BAZ2B: variants seen among roughly 807,000 people sequenced by gnomAD.
The protein encoded by BAZ2B is bromodomain adjacent to zinc finger domain protein 2B.
Under a neutral mutation model 246.0 loss-of-function variants are expected in BAZ2B, and 91 were observed. That is an observed-to-expected ratio of 0.37 (90% CI 0.31 to 0.44). BAZ2B has a LOEUF of 0.44. Among genes scored for constraint, BAZ2B ranks in the 20% least tolerant of loss-of-function variants. The pLI is 1.00. For missense variants in BAZ2B, 2,332 were observed against 2,533.7 expected, an observed-to-expected ratio of 0.92 and a Z score of 1.71; for synonymous variants, 855 against 860.0, an observed-to-expected ratio of 0.99 and a Z score of 0.10.
At chr2:159,431,200 A>C in intron 9 of BAZ2B, 44 bp from the exon 10 acceptor site, 1 of 1,545,278 alleles carries the variant, frequency 6.5e-7, no homozygotes, top group Non-Finnish European at 8.7e-7. Flanking sequence ...CTAGATAATC[A>C]CCAATAATTT....
the BAZ2B span, among the ~76,000 whole-genome samples, chr2:159,640,171 T>C: frequency 5.3e-5 from 8 of 152,282 alleles, no homozygotes; most frequent in Middle Eastern, 3.4e-3. Flanking sequence ...TAAATACTTA[T>C]ATATCCAACA....
At position 159,495,472 on chromosome 2, in the gene BAZ2B, G is replaced by A. The variant is rs1234518045; in HGVS notation, c.-2-16751C>T. Among the ~76,000 whole-genome samples the A allele has an allele frequency of 4.8e-5, 5 of 103,120 alleles. No individual in the cohort carries two copies. The East Asian group carries it at 9.2e-4, about 19-fold the overall frequency. 67.7% of individuals were successfully genotyped at this position (103,120 alleles called of 152,430 possible). A position where few individuals can be genotyped will look rare whatever the true frequency, so the allele number is the denominator to read the frequency against. On this transcript the variant is annotated intron_variant, in intron 2 of 36. Transcript: ENST00000392783. ...TGCACTCCAGCCTGGGCGACAGAGC[G>A]AGACTCCGTCTCAAAAAAAAAAAAA...
upstream of BAZ2B, among the ~76,000 whole-genome samples, chr2:159,619,283 A>C (rs1696334266): frequency 6.6e-6 from 1 of 151,932 alleles, no homozygotes; most frequent in South Asian, 2.1e-4. Flanking sequence ...AGTAACTTAT[A>C]ACAAAATACA....
intron 34 of BAZ2B, among the ~76,000 whole-genome samples, chr2:159,326,892 A>G (rs2063792583): frequency 1.3e-5 from 2 of 152,244 alleles, no homozygotes; most frequent in South Asian, 2.1e-4. Context: ...AAAGAAAGAT[A>G]TGTAAACTTC....
At chr2:159,579,170 T>C (rs556491933) in intron 1 of BAZ2B, among the ~76,000 whole-genome samples, 1 of 151,896 alleles carries the variant, frequency 6.6e-6, no homozygotes, top group Admixed American at 6.6e-5. Flanking sequence ...AACTGATAGA[T>C]CGCTAGCAAG....
intron 6 of BAZ2B, among the ~76,000 whole-genome samples, chr2:159,440,811 G>A (rs2073256823): frequency 6.6e-6 from 1 of 151,964 alleles, no homozygotes; most frequent in Non-Finnish European, 1.5e-5. Context: ...ATCTGGCCTT[G>A]CAATGACTCT....
intron 3 of BAZ2B, among the ~76,000 whole-genome samples, chr2:159,454,276 C>A (rs187648434): frequency 2.6e-5 from 4 of 152,306 alleles, no homozygotes; most frequent in Non-Finnish European, 4.4e-5. Flanking sequence ...CCAGTTTCAA[C>A]ATGCCAGAGT....
intron 3 of BAZ2B, among the ~76,000 whole-genome samples, chr2:159,477,003 T>C (rs1195824647): frequency 6.6e-6 from 1 of 152,188 alleles, no homozygotes; most frequent in African/African-American, 2.4e-5. Context: ...GTTATATTGA[T>C]TTTTAAAAAA....
At chr2:159,549,902 C>A (rs912846709) in intron 2 of BAZ2B, among the ~76,000 whole-genome samples, 3 of 150,486 alleles carry the variant, frequency 2.0e-5, no homozygotes, top group Non-Finnish European at 4.4e-5. Context: ...CAGCTCACTG[C>A]AACCTCCGCC....
chr2:159,396,963 AGTAT>A, intron 19 of BAZ2B: 1 of 787,682 alleles, frequency 1.3e-6, no homozygotes, highest in Non-Finnish European at 1.8e-6. Context: ...GCCATGCAGC[AGTAT>A]GTAATATGAC....
chr2:159,374,137 T>C (rs76244080), intron 26 of BAZ2B, among the ~76,000 whole-genome samples: 7,438 of 150,398 alleles, frequency 0.049, 228 homozygotes, highest in Middle Eastern at 0.12. Flanking sequence ...CTCAAACTCC[T>C]GGGCTCAAAC....
At chr2:159,408,170 T>C (rs982659140) in intron 14 of BAZ2B, among the ~76,000 whole-genome samples, 1 of 152,210 alleles carries the variant, frequency 6.6e-6, no homozygotes. Flanking sequence ...CCTACACAAG[T>C]ACACAGTAAT....
In BAZ2B at chr2:159,446,799, C is replaced by A; in HGVS notation, c.679G>T (p.Asp227Tyr). The A allele has an allele frequency of 6.2e-7, 1 of 1,607,760 alleles. No homozygotes were observed. Among genetic ancestry groups the A allele is most frequent in the Non-Finnish European group, 8.5e-7 (1 of 1,177,234 alleles). The change falls in exon 6 of 37, where the codon GAC becomes TAC. Residue 227 changes from aspartate (D) to tyrosine (Y), a missense_variant. By Grantham distance (160) the Asp-to-Tyr change is radical. Transcript: ENST00000392783. ...SKNQPLDARV[D>Y]KIKDKKPRKK... ...CAACTTACCTTATCTTTGATTTTGT[C>A]AACTCTAGCATCCAAAGGCTGGTTT...
At chr2:159,696,762 T>C in the BAZ2B span, among the ~76,000 whole-genome samples, 2 of 152,194 alleles carry the variant, frequency 1.3e-5, no homozygotes, top group Non-Finnish European at 2.9e-5. Context: ...CATTAACATA[T>C]GGTTATATGC....
intron 3 of BAZ2B, chr2:159,464,136 A>G (rs981763485): frequency 6.6e-6 from 1 of 152,192 alleles, no homozygotes; most frequent in East Asian, 1.9e-4. Flanking sequence ...TGACTAAAGA[A>G]CAACTTTCCA....
intron 1 of BAZ2B, among the ~76,000 whole-genome samples, chr2:159,611,232 A>G (rs1338224145): frequency 6.6e-6 from 1 of 151,902 alleles, no homozygotes; most frequent in African/African-American, 2.4e-5. Flanking sequence ...AATTAAGACT[A>G]TATTATCTCT....
At chr2:159,635,563 A>G in the BAZ2B span, among the ~76,000 whole-genome samples, 1 of 148,452 alleles carries the variant, frequency 6.7e-6, no homozygotes, top group South Asian at 2.1e-4. Context: ...ATGAAATTCT[A>G]TCCTGTTTGT....
chr2:159,581,375 C>G (rs1425774787), intron 1 of BAZ2B, among the ~76,000 whole-genome samples: 1 of 152,150 alleles, frequency 6.6e-6, no homozygotes, highest in Non-Finnish European at 1.5e-5. Context: ...CTATGAGATA[C>G]CATCTCATGC....
chr2:159,616,394 T>A lies in BAZ2B; in HGVS notation c.-198A>T, dbSNP rs912891151. ...AAGAGAGTTGTAGTGGAGGTGAGAT[T>A]TGTGATCGGGAAAGCCTTCGACTCC... is the stretch of plus-strand genomic sequence containing the variant. On this transcript the variant is annotated 5_prime_UTR_variant, in exon 1 of 37. Coordinates refer to ENST00000392783, the MANE Select transcript of BAZ2B (RefSeq NM_013450.4). The A allele has an allele frequency of 6.6e-6, 1 of 152,200 alleles. No individual in the cohort carries two copies. Among genetic ancestry groups the A allele is most frequent in the African/African-American group, 2.4e-5 (1 of 41,442 alleles). 9.4% of individuals were successfully genotyped at this position (152,200 alleles called of 1,614,324 possible). A position where few individuals can be genotyped will look rare whatever the true frequency, so the allele number is the denominator to read the frequency against.
Sources: gnomAD v4.1 joint callset for allele counts (sites outside exome capture counted in the v4.1 genomes callset) on GRCh38, gnomAD v4.1.1 for gene constraint, MANE v1.5 for transcripts, NCBI Gene and HGNC (gene_info 2026-07-23, HGNC 2026-07-21) for gene names.